Variants in TRIM49B observed in about 807,000 individuals in gnomAD.
The protein encoded by TRIM49B is tripartite motif containing 49B, also known as putative tripartite motif-containing protein 49B.
A neutral mutation model predicts 31.8 loss-of-function variants in TRIM49B; 18 were observed. That is an observed-to-expected ratio of 0.57 (90% confidence interval 0.39 to 0.84). The LOEUF (loss-of-function observed/expected upper bound fraction) is 0.84. TRIM49B is among the 40% of genes least tolerant of loss of function. TRIM49B has a pLI of 0.00. For synonymous variants in TRIM49B, 196 were observed against 180.6 expected (o/e 1.09, Z -0.68); for missense variants, 494 against 538.7 (o/e 0.92, Z 0.82).
chr11:49,037,003 CAG>C (rs1404803828), intron 6 of TRIM49B, among the ~76,000 whole-genome samples: 2 of 152,154 alleles, frequency 1.3e-5, no homozygotes, highest in Non-Finnish European at 2.9e-5. Context: ...TGGAGGACAG[CAG>C]AGAGACTGGT....
intron 3 of TRIM49B, among the ~76,000 whole-genome samples, chr11:49,033,275 T>C (rs1007845457): frequency 6.6e-5 from 10 of 151,998 alleles, no homozygotes; most frequent in African/African-American, 2.4e-4. Flanking sequence ...AGCAGGGAAG[T>C]AGAAAAGGAC....
chr11:49,030,105 G>A (rs924702281), intron 1 of TRIM49B, among the ~76,000 whole-genome samples: 1 of 152,112 alleles, frequency 6.6e-6, no homozygotes, highest in Admixed American at 6.5e-5. Flanking sequence ...AAGCCAAAGC[G>A]GGCAGATAAC....
intron 1 of TRIM49B, among the ~76,000 whole-genome samples, chr11:49,030,113 A>T (rs1324863302): frequency 6.6e-6 from 1 of 152,170 alleles, no homozygotes; most frequent in East Asian, 1.9e-4. Context: ...GCGGGCAGAT[A>T]ACCTGAGGCC....
intron 1 of TRIM49B, among the ~76,000 whole-genome samples, chr11:49,029,761 G>T (rs562850042): frequency 1.1e-4 from 17 of 152,334 alleles, no homozygotes; most frequent in African/African-American, 3.8e-4. Flanking sequence ...GTATATGTGT[G>T]CTGATACATT....
chr11:49,033,541 T>A (rs1854481219), intron 3 of TRIM49B, among the ~76,000 whole-genome samples: 1 of 152,060 alleles, frequency 6.6e-6, no homozygotes, highest in Admixed American at 6.6e-5. Context: ...TTGGAGAGAA[T>A]AGCATATGCA....
At chr11:49,035,019 C>G in intron 4 of TRIM49B, 76 bp from the exon 5 acceptor site, 2 of 1,564,194 alleles carry the variant, frequency 1.3e-6, no homozygotes, top group Non-Finnish European at 1.7e-6. Context: ...AAACTGAGTA[C>G]AAATCTCACA....
rs530491468 is a variant in TRIM49B at position 49,037,518 on chromosome 11, C to A, written c.900C>A (p.Ile300=). The A allele has an allele frequency of 4.3e-5, 70 of 1,614,102 alleles. No homozygotes were observed. The South Asian group carries it at 6.7e-4, about 15-fold the overall frequency. Residue 300 remains isoleucine (I), a synonymous_variant, in exon 7 of 7, where the codon ATC becomes ATA. Transcript: ENST00000332682. ...ATCATGAAGAAGCCAACAGTGATAT[C>A]TTTCTATGTGAAATTTTGAGAAGCA... ...TLHHEEANSD[I]FLCEILRSMC... is the part of the protein sequence containing the mutation.
chr11:49,034,262 T>A lies in TRIM49B; in HGVS notation c.624T>A (p.Ile208=), dbSNP rs1854491457. 6.2e-7 allele frequency: 1 copy of A among 1,611,924 alleles called. No individual in the cohort carries two copies. The highest frequency in any genetic ancestry group is 8.5e-7 in the Non-Finnish European group (1 of 1,179,824). Residue 208 remains isoleucine, a synonymous_variant, in exon 4 of 7, where the codon ATT becomes ATA. Transcript: ENST00000332682. Reference sequence around the variant, plus strand: ...TGCTGAAAAAGAAGGGGAAAGATATTTTTCATCGACTTCATTTAAGTAAAG... The same window carrying A: ...TGCTGAAAAAGAAGGGGAAAGATATATTTCATCGACTTCATTTAAGTAAAG... ...LEMLKKKGKD[I]FHRLHLSKAK...
At chr11:49,033,767 A>T (rs1013507432) in intron 3 of TRIM49B, among the ~76,000 whole-genome samples, 1 of 152,210 alleles carries the variant, frequency 6.6e-6, no homozygotes, top group Non-Finnish European at 1.5e-5. Flanking sequence ...TAATGAGTTT[A>T]AGCAACCTGT....
At chr11:49,037,289 C>CA in intron 6 of TRIM49B, among the ~76,000 whole-genome samples, 189 bp from the exon 7 acceptor site, 2 of 130,568 alleles carry the variant, frequency 1.5e-5, no homozygotes, top group Non-Finnish European at 3.3e-5. Context: ...TGTAAGTTTT[C>CA]AAAAAAACAT....
intron 5 of TRIM49B, 149 bp from the exon 6 acceptor site, chr11:49,036,150 TAA>T: frequency 1.4e-6 from 2 of 1,451,700 alleles, no homozygotes; most frequent in Non-Finnish European, 1.9e-6. Flanking sequence ...TTAGAAACTG[TAA>T]AGAATTAATT....
chr11:49,034,560 C>A (rs187688930), intron 4 of TRIM49B, among the ~76,000 whole-genome samples, 184 bp downstream of exon 4: 27,334 of 151,878 alleles, frequency 0.18, 2,837 homozygotes, highest in African/African-American at 0.28. Flanking sequence ...GGCCAAAGGT[C>A]CCTCCTACTT....
chr11:49,033,244 T>C (rs1299738026), intron 3 of TRIM49B, among the ~76,000 whole-genome samples: 1 of 152,040 alleles, frequency 6.6e-6, no homozygotes, highest in African/African-American at 2.4e-5. Flanking sequence ...GTGTGGTAGG[T>C]TTTTTGTTGG....
In TRIM49B at chr11:49,031,917, G is replaced by A. The variant is rs781114124; in HGVS notation, c.318G>A (p.Val106=). 1.9e-6 allele frequency: 3 copies of A among 1,612,200 alleles called. No homozygotes were observed. Among genetic ancestry groups the A allele is most frequent in the African/African-American group, 2.7e-5 (2 of 74,858 alleles). Residue 106 remains valine (V), a synonymous_variant, in exon 2 of 7, where the codon GTG becomes GTA. Coordinates refer to ENST00000332682, the MANE Select transcript of TRIM49B (RefSeq NM_001206626.2). ...HRETKKMFCE[V]DRSLLCLLCS... Reference sequence around the variant, plus strand: ...AGACAAAGAAGATGTTCTGTGAAGTGGACAGGAGCCTGCTCTGTTTGCTGT... The same window carrying A: ...AGACAAAGAAGATGTTCTGTGAAGTAGACAGGAGCCTGCTCTGTTTGCTGT...
intron 3 of TRIM49B, among the ~76,000 whole-genome samples, chr11:49,033,889 C>T (rs761014811): frequency 6.6e-6 from 1 of 152,108 alleles, no homozygotes; most frequent in Non-Finnish European, 1.5e-5. Flanking sequence ...GTTGGAATAG[C>T]GAAATTCAAA....
chr11:49,037,361 T>C, intron 6 of TRIM49B, 117 bp from the exon 7 acceptor site: 2 of 1,360,402 alleles, frequency 1.5e-6, no homozygotes, highest in Non-Finnish European at 2.0e-6. Context: ...TATACTTTAC[T>C]AGAAGTTACA....
intron 3 of TRIM49B, 128 bp from the exon 4 acceptor site, chr11:49,034,018 G>A (rs530459690): frequency 8.6e-6 from 13 of 1,512,342 alleles, no homozygotes; most frequent in South Asian, 7.1e-5. Context: ...AACAAAATTT[G>A]TAGATTCTAA....
intron 4 of TRIM49B, 111 bp downstream of exon 4, chr11:49,034,487 A>G: frequency 6.2e-7 from 1 of 1,605,406 alleles, no homozygotes; most frequent in Non-Finnish European, 8.5e-7. Context: ...GTTTCCAAAA[A>G]CACATTCACA....
Position 49,036,391 on chromosome 11 carries a change from A to G in TRIM49B, c.852A>G (p.Gln284=), listed in dbSNP as rs200205032. Residue 284 remains glutamine (Q), a synonymous_variant, in exon 6 of 7, where the codon CAA becomes CAG. Coordinates refer to ENST00000332682, the MANE Select transcript of TRIM49B (RefSeq NM_001206626.2). The part of the protein sequence containing the change: ...PITGLRDRLN[Q]FRVHITLHHE... ...CTGGACTGAGGGACAGGCTCAACCA[A>G]TTCCGAGGTAAGTCTCCACCCACAG... 1.3e-4 allele frequency: 195 copies of G among 1,550,194 alleles called. No individual in the cohort carries two copies. Among genetic ancestry groups the G allele is most frequent in the Non-Finnish European group, 6.6e-5 (75 of 1,144,752 alleles).
Sources: allele counts gnomAD v4.1 joint callset (sites outside exome capture counted in the v4.1 genomes callset), GRCh38; gene constraint gnomAD v4.1.1; transcripts MANE v1.5; gene names NCBI Gene and HGNC (gene_info 2026-07-23, HGNC 2026-07-21).